Variants in PINX1 observed in about 807,000 individuals in gnomAD.
PINX1 encodes the protein PIN2/TERF1-interacting telomerase inhibitor 1.
Under a neutral mutation model 25.4 loss-of-function variants are expected in PINX1, and 34 were observed. The ratio of observed to expected loss-of-function variants is 1.34; its 90% CI spans 1.02 to 1.78. The LOEUF (loss-of-function observed/expected upper bound fraction) is 1.78, where lower values mean the gene tolerates loss of function less well. PINX1 is among the 40% of genes most tolerant of loss of function. The probability of loss-of-function intolerance (pLI) is 0.00; values close to 1 mark genes in which losing one functional copy is unlikely to be tolerated. For missense variants in PINX1, 592 were observed against 404.9 expected, an observed-to-expected ratio of 1.46 and a Z score of -3.97; for synonymous variants, 197 against 147.7, an observed-to-expected ratio of 1.33 and a Z score of -2.42.
intron 4 of PINX1, among the ~76,000 whole-genome samples, chr8:10,829,559 C>T (rs1218095854): frequency 1.3e-5 from 2 of 152,200 alleles, no homozygotes; most frequent in Non-Finnish European, 2.9e-5. Flanking sequence ...CAGCAATTTA[C>T]CGAATGTCAT....
In PINX1 at chr8:10,806,603, A is replaced by C. The variant is rs190572021; in HGVS notation, c.471+13590T>G. Reference sequence around the variant, plus strand: ...AGTCTTTCTCCACTCCTTTCCTTCAATAACGATTTGCTGAATACCCTGAGC... The same window carrying C: ...AGTCTTTCTCCACTCCTTTCCTTCACTAACGATTTGCTGAATACCCTGAGC... On this transcript the variant is annotated intron_variant, in intron 6 of 6. Coordinates refer to ENST00000314787, the MANE Select transcript of PINX1 (RefSeq NM_017884.6). Among the ~76,000 whole-genome samples, 227 of 152,292 alleles carry C rather than the reference A, an allele frequency of 1.5e-3. 2 individuals carry two copies. The highest frequency in any genetic ancestry group is 5.1e-3 in the African/African-American group (212 of 41,546).
intron 6 of PINX1, among the ~76,000 whole-genome samples, chr8:10,784,960 A>G (rs1407844372): frequency 2.0e-5 from 3 of 152,230 alleles, no homozygotes; most frequent in African/African-American, 7.2e-5. Flanking sequence ...AACTTCCTAG[A>G]GGCTCAGGTG....
At chr8:10,780,822 A>G (rs1264978932) in intron 6 of PINX1, among the ~76,000 whole-genome samples, 1 of 152,196 alleles carries the variant, frequency 6.6e-6, no homozygotes, top group African/African-American at 2.4e-5. Context: ...CAAAATCCCA[A>G]CGGCATTCTT....
At chr8:10,819,573 C>A (rs558699376) in intron 6 of PINX1, among the ~76,000 whole-genome samples, 10 of 152,312 alleles carry the variant, frequency 6.6e-5, no homozygotes, top group Middle Eastern at 3.4e-3. Flanking sequence ...ACAAAAAATT[C>A]TTTGCAATAT....
intron 6 of PINX1, among the ~76,000 whole-genome samples, chr8:10,795,253 A>ATAT (rs1334511535): frequency 1.3e-5 from 2 of 152,192 alleles, no homozygotes; most frequent in African/African-American, 4.8e-5. Flanking sequence ...GTTCATAGCA[A>ATAT]TGTCTTTGAC....
chr8:10,794,149 T>C (rs1388904136), intron 6 of PINX1, among the ~76,000 whole-genome samples: 1 of 152,224 alleles, frequency 6.6e-6, no homozygotes, highest in African/African-American at 2.4e-5. Context: ...GAGAACGTTA[T>C]GAAGTGGCAG....
chr8:10,785,994 T>G (rs568573460), intron 6 of PINX1, among the ~76,000 whole-genome samples: 1 of 152,254 alleles, frequency 6.6e-6, no homozygotes, highest in Non-Finnish European at 1.5e-5. Context: ...AGGGAGTTTA[T>G]GTGGCGAGCG....
At chr8:10,769,040 T>G (rs1453876635) in intron 6 of PINX1, among the ~76,000 whole-genome samples, 1 of 152,200 alleles carries the variant, frequency 6.6e-6, no homozygotes, top group Non-Finnish European at 1.5e-5. Context: ...TCATAAACGT[T>G]GAGAATGTCT....
intron 6 of PINX1, among the ~76,000 whole-genome samples, chr8:10,814,414 G>A (rs1326680234): frequency 2.0e-5 from 3 of 152,176 alleles, no homozygotes; most frequent in African/African-American, 4.8e-5. Context: ...TGAAGTCAGA[G>A]GAGAGTCCTT....
At chr8:10,768,588 C>A (rs1248184835) in intron 6 of PINX1, among the ~76,000 whole-genome samples, 1 of 152,186 alleles carries the variant, frequency 6.6e-6, no homozygotes, top group East Asian at 1.9e-4. Flanking sequence ...CTACTTCTTC[C>A]CAGCAAAGTG....
At chr8:10,775,150 CTCT>C (rs1211959949) in intron 6 of PINX1, among the ~76,000 whole-genome samples, 5 of 151,862 alleles carry the variant, frequency 3.3e-5, no homozygotes, top group Non-Finnish European at 4.4e-5. Context: ...ATCCTATAAC[CTCT>C]TCTCTTGTTT....
chr8:10,833,104 T>A, intron 2 of PINX1, 120 bp from the exon 3 acceptor site: 1 of 595,152 alleles, frequency 1.7e-6, no homozygotes, highest in Non-Finnish European at 3.0e-6. Context: ...TTCTCTCCAT[T>A]AAATACTTTC....
chr8:10,768,991 A>T (rs1469025407), intron 6 of PINX1, among the ~76,000 whole-genome samples: 2 of 152,200 alleles, frequency 1.3e-5, no homozygotes, highest in South Asian at 2.1e-4. Context: ...CACCTCAAAA[A>T]ATAAAATAAA....
intron 6 of PINX1, among the ~76,000 whole-genome samples, chr8:10,813,251 G>A (rs913274100): frequency 3.9e-5 from 6 of 152,126 alleles, no homozygotes; most frequent in African/African-American, 1.2e-4. Context: ...AGCGATAGGT[G>A]CAGGAAGGGG....
intron 6 of PINX1, among the ~76,000 whole-genome samples, chr8:10,817,590 TTC>T (rs1438259982): frequency 2.0e-5 from 3 of 152,190 alleles, no homozygotes; most frequent in African/African-American, 4.8e-5. Flanking sequence ...TTTAAATAGA[TTC>T]TGTTTTCTGC....
intron 6 of PINX1, among the ~76,000 whole-genome samples, chr8:10,808,952 T>C: frequency 6.6e-6 from 1 of 152,222 alleles, no homozygotes. Context: ...ATGACTAAGT[T>C]TCCTTGATAT....
chr8:10,838,987 T>C (rs1207859923), intron 1 of PINX1, among the ~76,000 whole-genome samples: 1 of 152,176 alleles, frequency 6.6e-6, no homozygotes, highest in Non-Finnish European at 1.5e-5. Flanking sequence ...AATAAGCTGT[T>C]TCTGTTCTTT....
At chr8:10,795,063 C>T (rs1394777179) in intron 6 of PINX1, among the ~76,000 whole-genome samples, 1 of 152,182 alleles carries the variant, frequency 6.6e-6, no homozygotes, top group Non-Finnish European at 1.5e-5. Flanking sequence ...AGTGGGTATG[C>T]ATTCAGAGAA....
intron 6 of PINX1, among the ~76,000 whole-genome samples, chr8:10,788,117 C>T (rs1309489582): frequency 6.6e-6 from 1 of 152,042 alleles, no homozygotes; most frequent in African/African-American, 2.4e-5. Flanking sequence ...GGAATTGCTT[C>T]AGTAATGGGA....
Sources: allele counts gnomAD v4.1 joint callset (sites outside exome capture counted in the v4.1 genomes callset), GRCh38; gene constraint gnomAD v4.1.1; transcripts MANE v1.5; gene names NCBI Gene and HGNC (gene_info 2026-07-23, HGNC 2026-07-21).